Variants in RAB3GAP1 observed in about 807,000 individuals in gnomAD.
The protein encoded by RAB3GAP1 is rab3 GTPase-activating protein catalytic subunit.
Under a neutral mutation model 130.7 loss-of-function variants are expected in RAB3GAP1, and 86 were observed. The ratio of observed to expected loss-of-function variants is 0.66; its 90% CI spans 0.55 to 0.79. RAB3GAP1 has a LOEUF of 0.79. Among genes scored for constraint, RAB3GAP1 ranks in the 30% least tolerant of loss-of-function variants. RAB3GAP1 has a pLI of 0.00. For missense variants in RAB3GAP1, 1,029 were observed against 1,169.4 expected, an observed-to-expected ratio of 0.88 and a Z score of 1.75; for synonymous variants, 367 against 401.7, an observed-to-expected ratio of 0.91 and a Z score of 1.03.
At chr2:135,065,096 A>G (rs1484641088) in intron 3 of RAB3GAP1, among the ~76,000 whole-genome samples, 1 of 152,148 alleles carries the variant, frequency 6.6e-6, no homozygotes, top group Non-Finnish European at 1.5e-5. Flanking sequence ...CAGTTTATAT[A>G]TAAATTTGGG....
chr2:135,154,858 A>C (rs1573604794), intron 19 of RAB3GAP1, among the ~76,000 whole-genome samples: 1 of 152,182 alleles, frequency 6.6e-6, no homozygotes, highest in South Asian at 2.1e-4. Context: ...AAATGAAAGA[A>C]AAACAAGACA....
At chr2:135,107,261 A>G (rs1690654478) in intron 5 of RAB3GAP1, among the ~76,000 whole-genome samples, 1 of 152,100 alleles carries the variant, frequency 6.6e-6, no homozygotes, top group African/African-American at 2.4e-5. Flanking sequence ...ACTTGAATCC[A>G]TAGAAAAGAA....
chr2:135,085,811 G>A (rs1689957521), intron 3 of RAB3GAP1, among the ~76,000 whole-genome samples: 2 of 152,186 alleles, frequency 1.3e-5, no homozygotes, highest in African/African-American at 2.4e-5. Context: ...TATACACAGC[G>A]AAGTTTACAG....
Position 135,162,857 on chromosome 2 carries a change from T to A in RAB3GAP1, c.2490+6T>A. 6.2e-7 allele frequency: 1 copy of A among 1,603,592 alleles called. No homozygotes were observed. Among genetic ancestry groups the A allele is most frequent in the Non-Finnish European group, 8.5e-7 (1 of 1,170,466 alleles). The stretch of plus-strand genomic sequence containing the variant: ...CAGAAGACAAGAAATTGGAAGTAAG[T>A]TTGATGTAGTGTCAGAATCTTGCCA... On this transcript the variant is annotated splice_donor_region_variant and intron_variant, in intron 21 of 23. Coordinates refer to ENST00000264158, the MANE Select transcript of RAB3GAP1 (RefSeq NM_012233.3).
rs148771775 is a variant in RAB3GAP1 at position 135,101,686 on chromosome 2, A to C, written c.362+7993A>C. 4.7e-4 allele frequency among the ~76,000 whole-genome samples: 72 copies of C among 152,326 alleles called. 2 individuals are homozygous for C. The East Asian group carries it at 0.013, about 29-fold the overall frequency. ...TTTATAAAAGTGGACTTTAAAAGAT[A>C]TGTGGGCATGATCAATTTTATGTTC... On this transcript the variant is annotated intron_variant, in intron 5 of 23. Transcript: ENST00000264158.
rs996201715 is a variant in RAB3GAP1, at chr2:135,135,498, G to C, written c.1555-66G>C. 7.4e-6 allele frequency: 11 copies of C among 1,489,536 alleles called. No homozygotes were observed. The African/African-American group carries it at 1.4e-4, about 19-fold the overall frequency. 92.3% of individuals were successfully genotyped at this position (1,489,536 alleles called of 1,614,324 possible). A position where few individuals can be genotyped will look rare whatever the true frequency, so the allele number is the denominator to read the frequency against. ...TGGAGAGTGAAAATTAAATATTCAA[G>C]CAGTAGGTAGATTTTTATTTTTCTG... On this transcript the variant is annotated intron_variant, in intron 16 of 23. Transcript: ENST00000264158.
Position 135,135,619 on chromosome 2 carries a change from G to A in RAB3GAP1, c.1610G>A (p.Ser537Asn). Reference sequence around the variant, plus strand: ...GCACGTGATGAGGGGAAAAAGACAAGTGCTTCAGATGTCACTAATATATAT... The same window carrying A: ...GCACGTGATGAGGGGAAAAAGACAAATGCTTCAGATGTCACTAATATATAT... The part of the protein sequence containing the change: ...KKARDEGKKT[S>N]ASDVTNIYPG... Residue 537 changes from serine (S) to asparagine (N), a missense_variant, in exon 17 of 24, where the codon AGT becomes AAT. By Grantham distance (46) the Ser-to-Asn change is conservative. Around this residue, in one of 3 missense-constraint regions of RAB3GAP1, gnomAD observed 373 missense variants for 493.6 expected, o/e 0.76. Transcript: ENST00000264158. The A allele has an allele frequency of 2.5e-6, 4 of 1,611,042 alleles. No homozygotes were observed. The highest frequency in any genetic ancestry group is 3.4e-6 in the Non-Finnish European group (4 of 1,178,704).
intron 11 of RAB3GAP1, 74 bp downstream of exon 11, chr2:135,126,730 T>G: frequency 8.0e-7 from 1 of 1,244,868 alleles, no homozygotes; most frequent in Admixed American, 1.7e-5. Flanking sequence ...ACTGCATACA[T>G]TCTTTATACT....
At chr2:135,086,079 A>T (rs1689972856) in intron 3 of RAB3GAP1, among the ~76,000 whole-genome samples, 1 of 152,148 alleles carries the variant, frequency 6.6e-6, no homozygotes, top group Non-Finnish European at 1.5e-5. Flanking sequence ...CCCATATAGT[A>T]TGTATGATTC....
chr2:135,133,255 T>A (rs1691596085), intron 14 of RAB3GAP1, among the ~76,000 whole-genome samples: 1 of 152,162 alleles, frequency 6.6e-6, no homozygotes, highest in South Asian at 2.1e-4. Context: ...GTGAAATCAT[T>A]AAATTTGTGT....
At chr2:135,109,569 A>G (rs1291029007) in intron 5 of RAB3GAP1, among the ~76,000 whole-genome samples, 2 of 151,856 alleles carry the variant, frequency 1.3e-5, no homozygotes, top group Non-Finnish European at 2.9e-5. Flanking sequence ...GCTCTCCAAA[A>G]AAAATTTTTT....
At chr2:135,138,090 G>C (rs1573587346) in intron 17 of RAB3GAP1, among the ~76,000 whole-genome samples, 2 of 151,972 alleles carry the variant, frequency 1.3e-5, no homozygotes, top group East Asian at 3.9e-4. Flanking sequence ...GCCTCCCAAA[G>C]TGCTAGGATT....
intron 5 of RAB3GAP1, among the ~76,000 whole-genome samples, chr2:135,109,260 T>C (rs1218221505): frequency 6.6e-6 from 1 of 152,106 alleles, no homozygotes; most frequent in Non-Finnish European, 1.5e-5. Flanking sequence ...GTAGATGAAG[T>C]TGGAAAGAAC....
intron 3 of RAB3GAP1, among the ~76,000 whole-genome samples, chr2:135,078,179 T>G (rs998628148): frequency 6.6e-6 from 1 of 152,198 alleles, no homozygotes. Flanking sequence ...TTAGCTCTTA[T>G]GTTTAGACCT....
intron 4 of RAB3GAP1, among the ~76,000 whole-genome samples, chr2:135,092,293 T>G (rs1690164797): frequency 6.6e-6 from 1 of 152,152 alleles, no homozygotes; most frequent in African/African-American, 2.4e-5. Flanking sequence ...AAGGAAACTA[T>G]TCAAGATAGC....
At chr2:135,157,831 CAAAAAAAAAAAAA>C (rs58810979) in intron 19 of RAB3GAP1, among the ~76,000 whole-genome samples, 1 of 87,204 alleles carries the variant, frequency 1.1e-5, no homozygotes, top group East Asian at 3.0e-4. Context: ...GAATCCATCT[CAAAAAAAAAAAAA>C]AAAAACAAAA....
intron 3 of RAB3GAP1, among the ~76,000 whole-genome samples, chr2:135,061,623 C>T (rs1689171784): frequency 6.6e-6 from 1 of 151,736 alleles, no homozygotes; most frequent in African/African-American, 2.4e-5. Context: ...AGTTCTTTAT[C>T]CATTTTAAAA....
intron 22 of RAB3GAP1, 44 bp downstream of exon 22, chr2:135,163,145 A>T (rs762808686): frequency 3.0e-6 from 4 of 1,333,566 alleles, no homozygotes; most frequent in Non-Finnish European, 4.3e-6. Flanking sequence ...CAGTAGGAAA[A>T]GCCACCACTC....
At chr2:135,138,031 T>G (rs1472871402) in intron 17 of RAB3GAP1, among the ~76,000 whole-genome samples, 1 of 152,018 alleles carries the variant, frequency 6.6e-6, no homozygotes, top group Non-Finnish European at 1.5e-5. Context: ...TTTGCCCTGT[T>G]GTCCAGGCTT....
Sources: allele counts gnomAD v4.1 joint callset (sites outside exome capture counted in the v4.1 genomes callset), GRCh38; gene constraint gnomAD v4.1.1; regional missense constraint gnomAD v4.1.1; transcripts MANE v1.5; gene names NCBI Gene and HGNC (gene_info 2026-07-23, HGNC 2026-07-21).